GMNC: variants seen among roughly 807,000 people sequenced by gnomAD.
The protein encoded by GMNC is geminin coiled-coil domain-containing protein 1.
A neutral mutation model predicts 33.6 loss-of-function variants in GMNC; 16 were observed. The observed-to-expected ratio is 0.48, with a 90% confidence interval of 0.32 to 0.72. The LOEUF is 0.72. Among genes scored for constraint, GMNC ranks in the 30% least tolerant of loss-of-function variants. GMNC has a pLI of 0.03. For missense variants in GMNC, 393 were observed against 388.9 expected, an observed-to-expected ratio of 1.01 and a Z score of -0.09; for synonymous variants, 156 against 147.3, an observed-to-expected ratio of 1.06 and a Z score of -0.43.
chr3:190,855,356 G>A lies in GMNC; in HGVS notation c.944C>T (p.Ala315Val), dbSNP rs905693591. ...VKTHSFHQGQAFVRRDEEGGW... is the reference protein window; with the variant it reads ...VKTHSFHQGQVFVRRDEEGGW... ...TCCCTCCTCATCTCGACGCACAAAG[G>A]CTTGTCCCTGGTGGAAGGAATGAGT... The change falls in exon 5 of 5, where the codon GCC becomes GTC. Residue 315 changes from alanine (A) to valine (V), a missense_variant. By Grantham distance (64) the Ala-to-Val change is moderately conservative. Transcript: ENST00000442080. The A allele has an allele frequency of 5.2e-6, 8 of 1,551,756 alleles. No homozygotes were observed. In the African/African-American group the frequency reaches 6.8e-5, roughly 13 times the overall value.
At chr3:190,847,238 A>C in the GMNC span, among the ~76,000 whole-genome samples, 1 of 152,198 alleles carries the variant, frequency 6.6e-6, no homozygotes, top group Non-Finnish European at 1.5e-5. Context: ...TATTGCCCCA[A>C]CATAGCTTCC....
At chr3:190,848,651 G>T (rs765490686), downstream of GMNC, among the ~76,000 whole-genome samples, 3 of 152,132 alleles carry the variant, frequency 2.0e-5, no homozygotes, top group Non-Finnish European at 4.4e-5. Flanking sequence ...AATTGAAATG[G>T]ATTTTTACTC....
rs1256943395 is a variant in GMNC, at chr3:190,860,668, G to A, written c.178+16C>T. On this transcript the variant is annotated intron_variant, in intron 2 of 4. Transcript: ENST00000442080. The stretch of plus-strand genomic sequence containing the variant: ...GAGCTCCAGATCTATCAGGGAAGCA[G>A]AAGAGCAGAACTTACCCTGTGCCTG... 6.5e-7 allele frequency: 1 copy of A among 1,537,540 alleles called. No homozygotes were observed. The highest frequency in any genetic ancestry group is 2.0e-5 in the Admixed American group (1 of 50,472).
In GMNC at chr3:190,854,565, G is replaced by C. The variant is rs1737693294; in HGVS notation, c.*730C>G. The stretch of plus-strand genomic sequence containing the variant: ...AAAATGTTCTTCTTGGAGTCATGTT[G>C]GTTAAAGAAATGATGCTGGGTACAT... On this transcript the variant is annotated 3_prime_UTR_variant, in exon 5 of 5. Transcript: ENST00000442080. The C allele has an allele frequency of 3.3e-5, 5 of 152,090 alleles. No homozygotes were observed. The South Asian group carries it at 8.3e-4, about 25-fold the overall frequency. The allele number at this position is 152,090 out of a possible 1,614,324, so 9.4% of individuals were successfully genotyped here.
rs1737654482 is a variant in GMNC at position 190,852,744 on chromosome 3, A to T, written c.*2551T>A. ...ACAAACCAGGAGAAGAAAATCTGCT[A>T]TTAGGGAATGTTAAGCATGGTATAA... On this transcript the variant is annotated 3_prime_UTR_variant, in exon 5 of 5. Coordinates refer to ENST00000442080, the MANE Select transcript of GMNC (RefSeq NM_001146686.3). 1 of 152,148 alleles carries T rather than the reference A, an allele frequency of 6.6e-6. No individual in the cohort carries two copies. Among genetic ancestry groups the T allele is most frequent in the Non-Finnish European group, 1.5e-5 (1 of 67,984 alleles). The allele number at this position is 152,148 out of a possible 1,614,324, so 9.4% of individuals were successfully genotyped here.
the GMNC span, among the ~76,000 whole-genome samples, chr3:190,845,848 T>A: frequency 6.6e-6 from 1 of 152,076 alleles, no homozygotes; most frequent in East Asian, 1.9e-4. Context: ...ACAAAACAAC[T>A]ACAGTTTCAG....
At chr3:190,852,601 C>G (rs752213161), downstream of GMNC, among the ~76,000 whole-genome samples, 1 of 152,002 alleles carries the variant, frequency 6.6e-6, no homozygotes, top group African/African-American at 2.4e-5. Context: ...ACTTAACATT[C>G]GAAAGCCTCA....
chr3:190,852,412 C>G (rs1310692636), downstream of GMNC, among the ~76,000 whole-genome samples: 2 of 152,072 alleles, frequency 1.3e-5, no homozygotes, highest in African/African-American at 4.8e-5. Context: ...TTAACATCAC[C>G]TTCATAGCTG....
At position 190,854,009 on chromosome 3, in the gene GMNC, A is replaced by T. The variant is rs1292600648; in HGVS notation, c.*1286T>A. The T allele has an allele frequency of 6.6e-6, 1 of 152,148 alleles. No homozygotes were observed. The highest frequency in any genetic ancestry group is 1.9e-4 in the East Asian group (1 of 5,204). The allele number at this position is 152,148 out of a possible 1,614,324, so 9.4% of individuals were successfully genotyped here. On this transcript the variant is annotated 3_prime_UTR_variant, in exon 5 of 5. Coordinates refer to ENST00000442080, the MANE Select transcript of GMNC (RefSeq NM_001146686.3). The stretch of plus-strand genomic sequence containing the variant: ...AAAGAGTACTGTGATCAGAGCAATG[A>T]TTTCTAATGTTAACTTCAAATGACT...
rs1737897079 is a variant in GMNC, at chr3:190,862,592, T to A, written c.3+21A>T. 4 of 1,543,040 alleles carry A rather than the reference T, an allele frequency of 2.6e-6. No homozygotes were observed. The East Asian group carries it at 9.8e-5, about 38-fold the overall frequency. On this transcript the variant is annotated intron_variant, in intron 1 of 4. Transcript: ENST00000442080. This position sits in a 1 kb window ranked among gnomAD's most constrained non-coding sequence, Gnocchi z 4.5. The stretch of plus-strand genomic sequence containing the variant: ...GACCCAAGTTTGCCAGCGGACTAGC[T>A]AACGCCAGTTCCTCACTTACCATCT...
Position 190,860,827 on chromosome 3 carries a change from A to T in GMNC, c.35T>A (p.Phe12Tyr). 6.4e-7 allele frequency: 1 copy of T among 1,551,292 alleles called. No individual in the cohort carries two copies. Among genetic ancestry groups the T allele is most frequent in the Non-Finnish European group, 8.7e-7 (1 of 1,146,790 alleles). ...GCAATTATAGCTCTGGCCTCCTACA[A>T]AGTACTGGTCTTGGCAAGGCAGAAT... Reference protein sequence around the residue: ...NTILPCQDQYFVGGQSYNCPY... With the variant: ...NTILPCQDQYYVGGQSYNCPY... Residue 12 changes from phenylalanine to tyrosine, a missense_variant, in exon 2 of 5, where the codon TTT (phenylalanine) becomes TAT (tyrosine). Phe to Tyr is a conservative substitution (Grantham distance 22). Transcript: ENST00000442080.
At position 190,860,877 on chromosome 3, in the gene GMNC, G is replaced by T. The variant is rs751854103; in HGVS notation, c.4-19C>A. ...TGGTGTTCTGTGAAATTCAGTATGG[G>T]GGGAGTGAGGGGTCCCAAAAGATGG... On this transcript the variant is annotated intron_variant, in intron 1 of 4. Transcript: ENST00000442080. 25 of 1,515,954 alleles carry T rather than the reference G, an allele frequency of 1.6e-5. No homozygotes were observed. Among genetic ancestry groups the T allele is most frequent in the Non-Finnish European group, 2.2e-5 (25 of 1,121,326 alleles). 93.9% of individuals were successfully genotyped at this position (1,515,954 alleles called of 1,614,324 possible).
chr3:190,852,601 C>T (rs752213161), downstream of GMNC, among the ~76,000 whole-genome samples: 11 of 152,002 alleles, frequency 7.2e-5, 1 homozygote, highest in African/African-American at 2.2e-4. Flanking sequence ...ACTTAACATT[C>T]GAAAGCCTCA....
chr3:190,859,686 C>T, intron 2 of GMNC: 2 of 296,870 alleles, frequency 6.7e-6, no homozygotes, highest in South Asian at 3.3e-5. Flanking sequence ...TGCCTTTTCC[C>T]CCCATATTTG....
At chr3:190,859,259 G>T (rs188700198) in intron 2 of GMNC, among the ~76,000 whole-genome samples, 1 of 152,090 alleles carries the variant, frequency 6.6e-6, no homozygotes, top group Non-Finnish European at 1.5e-5. Context: ...AAGCAGTAAG[G>T]GGTCACATTC....
chr3:190,856,065 C>T, intron 4 of GMNC, 150 bp from the exon 5 acceptor site: 2 of 612,986 alleles, frequency 3.3e-6, no homozygotes, highest in Non-Finnish European at 5.5e-6. Context: ...TGACAAGTTA[C>T]TGCCTAAAAA....
At chr3:190,847,467 T>C in the GMNC span, among the ~76,000 whole-genome samples, 1 of 152,224 alleles carries the variant, frequency 6.6e-6, no homozygotes, top group Admixed American at 6.5e-5. Flanking sequence ...GCCTGGGAGA[T>C]GGGTGGGGAA....
At position 190,861,722 on chromosome 3, in the gene GMNC, A is replaced by T. The variant is rs1472467087; in HGVS notation, c.4-864T>A. 6.6e-6 allele frequency among the ~76,000 whole-genome samples: 1 copy of T among 151,854 alleles called. No homozygotes were observed. The highest frequency in any genetic ancestry group is 2.4e-5 in the African/African-American group (1 of 41,316). On this transcript the variant is annotated intron_variant, in intron 1 of 4. Coordinates refer to ENST00000442080, the MANE Select transcript of GMNC (RefSeq NM_001146686.3). This position sits in a 1 kb window ranked among gnomAD's most constrained non-coding sequence, Gnocchi z 5.1. ...TCCACTGTGTTCTGATCCAGTGAAC[A>T]CTCTCCTGCCTTCCACTTCTTGAAC...
At chr3:190,851,603 G>A (rs774631646), downstream of GMNC, among the ~76,000 whole-genome samples, 2 of 152,102 alleles carry the variant, frequency 1.3e-5, no homozygotes, top group Non-Finnish European at 2.9e-5. Flanking sequence ...AGCCTGAAAC[G>A]GAGGCTATAT....
Sources: gnomAD v4.1 joint callset for allele counts (sites outside exome capture counted in the v4.1 genomes callset) on GRCh38, gnomAD v4.1.1 for gene constraint, Gnocchi (gnomAD v3.1) non-coding constraint, MANE v1.5 for transcripts, NCBI Gene and HGNC (gene_info 2026-07-23, HGNC 2026-07-21) for gene names.